The following PDE4B variants were observed in gnomAD, a reference collection of about 807,000 sequenced individuals.
PDE4B encodes the protein 3',5'-cyclic-AMP phosphodiesterase 4B.
Under a neutral mutation model 82.2 loss-of-function variants are expected in PDE4B, and 20 were observed. The observed-to-expected ratio is 0.24, with a 90% CI of 0.17 to 0.35. The LOEUF is 0.35. Ranked by LOEUF, PDE4B falls within the 10% of genes least tolerant of loss-of-function variation. The pLI is 1.00. For missense variants in PDE4B, 655 were observed against 907.2 expected, an observed-to-expected ratio of 0.72 and a Z score of 3.57; for synonymous variants, 320 against 318.9, an observed-to-expected ratio of 1.00 and a Z score of -0.04.
At chr1:66,204,421 G>C (rs1481107440) in intron 3 of PDE4B, among the ~76,000 whole-genome samples, 1 of 152,224 alleles carries the variant, frequency 6.6e-6, no homozygotes, top group African/African-American at 2.4e-5. Flanking sequence ...CTGTCTTTTT[G>C]TTTGTCTGTG....
At chr1:66,114,063 A>G (rs1274433633) in intron 3 of PDE4B, among the ~76,000 whole-genome samples, 1 of 152,212 alleles carries the variant, frequency 6.6e-6, no homozygotes, top group Non-Finnish European at 1.5e-5. Flanking sequence ...AAGTTATTAG[A>G]TCATGAGGGC....
chr1:66,124,807 C>T (rs1403523849), intron 3 of PDE4B, among the ~76,000 whole-genome samples: 3 of 152,086 alleles, frequency 2.0e-5, no homozygotes, highest in Non-Finnish European at 2.9e-5. Context: ...CTTGTGTTTG[C>T]GTGGGTTTTC....
chr1:65,881,514 C>T (rs917166795), intron 1 of PDE4B, among the ~76,000 whole-genome samples: 8 of 152,134 alleles, frequency 5.3e-5, no homozygotes, highest in Admixed American at 3.3e-4. Flanking sequence ...GAATGCTTAC[C>T]TCAGTTTCAT....
chr1:65,887,412 C>CTTTTTTTTTTT (rs1285765740), intron 1 of PDE4B, among the ~76,000 whole-genome samples: 1 of 6,922 alleles, frequency 1.4e-4, no homozygotes, highest in Non-Finnish European at 2.3e-4. Flanking sequence ...TCTTTTTCTT[C>CTTTTTTTTTTT]TGTTTTTTTT....
At chr1:66,245,227 G>T (rs1426743805) in intron 3 of PDE4B, among the ~76,000 whole-genome samples, 1 of 152,058 alleles carries the variant, frequency 6.6e-6, no homozygotes, top group East Asian at 1.9e-4. Context: ...GACCCTGGAG[G>T]GCCTGGGGCA....
intron 7 of PDE4B, among the ~76,000 whole-genome samples, chr1:66,271,769 G>T (rs951071444): frequency 6.6e-6 from 1 of 152,044 alleles, no homozygotes; most frequent in Non-Finnish European, 1.5e-5. Context: ...TTTTAAAAAT[G>T]AGTCTCACAT....
chr1:66,328,204 T>C (rs1159871966), intron 7 of PDE4B, among the ~76,000 whole-genome samples: 1 of 152,240 alleles, frequency 6.6e-6, no homozygotes, highest in African/African-American at 2.4e-5. Flanking sequence ...AGCAAACTTA[T>C]AGAAGGAAGA....
chr1:66,054,984 C>T (rs529254257), intron 3 of PDE4B, among the ~76,000 whole-genome samples: 1 of 152,092 alleles, frequency 6.6e-6, no homozygotes, highest in Non-Finnish European at 1.5e-5. Context: ...GTCATGGACA[C>T]CTTTATAGAG....
intron 1 of PDE4B, among the ~76,000 whole-genome samples, chr1:65,886,985 C>T (rs1646785079): frequency 6.6e-6 from 1 of 152,066 alleles, no homozygotes; most frequent in South Asian, 2.1e-4. Context: ...ACATTCCCAC[C>T]AACAGTGTGT....
intron 3 of PDE4B, among the ~76,000 whole-genome samples, chr1:66,203,010 G>T (rs1209581475): frequency 2.0e-5 from 3 of 152,040 alleles, no homozygotes; most frequent in African/African-American, 7.3e-5. Context: ...CATGTTTAGT[G>T]CTTCCTTCAG....
At chr1:65,987,254 T>C (rs954124010) in intron 3 of PDE4B, among the ~76,000 whole-genome samples, 2 of 152,150 alleles carry the variant, frequency 1.3e-5, no homozygotes, top group South Asian at 2.1e-4. Context: ...TTCAGGTGAC[T>C]CTATCAGGTA....
At chr1:66,263,037 T>A (rs1654799904) in intron 6 of PDE4B, among the ~76,000 whole-genome samples, 1 of 152,240 alleles carries the variant, frequency 6.6e-6, no homozygotes. Flanking sequence ...TTAAAATGCA[T>A]TATTAATCCA....
intron 8 of PDE4B, among the ~76,000 whole-genome samples, chr1:66,334,420 T>C (rs927042340): frequency 6.6e-6 from 1 of 152,220 alleles, no homozygotes; most frequent in Non-Finnish European, 1.5e-5. Flanking sequence ...AATAATCTTA[T>C]TCAGCATAGT....
intron 3 of PDE4B, among the ~76,000 whole-genome samples, chr1:66,087,149 A>G (rs574717005): frequency 6.6e-6 from 1 of 152,244 alleles, no homozygotes; most frequent in African/African-American, 2.4e-5. Flanking sequence ...TGTTCTATAC[A>G]GTTGGGCTTG....
At chr1:66,359,084 G>T (rs1662548446) in intron 9 of PDE4B, among the ~76,000 whole-genome samples, 1 of 152,112 alleles carries the variant, frequency 6.6e-6, no homozygotes, top group Admixed American at 6.5e-5. Flanking sequence ...AATAATGCAA[G>T]ATTTTTACAT....
chr1:66,038,656 A>C (rs1010090502), intron 3 of PDE4B, among the ~76,000 whole-genome samples: 5 of 152,116 alleles, frequency 3.3e-5, no homozygotes, highest in African/African-American at 1.2e-4. Context: ...GCTTTCCTTA[A>C]GACAGGAAAA....
Position 65,883,569 on chromosome 1 carries a change from G to A in PDE4B, c.-70-29676G>A, listed in dbSNP as rs1014546896. Among the ~76,000 whole-genome samples, 34 of 152,150 alleles carry A rather than the reference G, an allele frequency of 2.2e-4. 1 individual carries two copies. The highest frequency in any genetic ancestry group is 8.5e-4 in the Admixed American group (13 of 15,262). ...AGGAGATTTTGGGCTGAGACAATGG[G>A]GTTTTCTAGATATACAATCATGTCA... On this transcript the variant is annotated intron_variant, in intron 1 of 16. Coordinates refer to ENST00000341517, the MANE Select transcript of PDE4B (RefSeq NM_002600.4).
intron 7 of PDE4B, among the ~76,000 whole-genome samples, chr1:66,282,895 CT>C (rs1656396521): frequency 1.3e-5 from 2 of 152,132 alleles, no homozygotes; most frequent in Admixed American, 1.3e-4. Flanking sequence ...AAGCCTAGGT[CT>C]CTTTGGTCTA....
At chr1:66,052,191 TATC>T (rs1167314782) in intron 3 of PDE4B, among the ~76,000 whole-genome samples, 3 of 152,212 alleles carry the variant, frequency 2.0e-5, no homozygotes, top group Admixed American at 2.0e-4. Flanking sequence ...ACAAGTAAAA[TATC>T]ATATGGATAA....
Sources: allele counts gnomAD v4.1 joint callset (sites outside exome capture counted in the v4.1 genomes callset), GRCh38; gene constraint gnomAD v4.1.1; transcripts MANE v1.5; gene names NCBI Gene and HGNC (gene_info 2026-07-23, HGNC 2026-07-21).